COL25A1: variants seen among roughly 807,000 people sequenced by gnomAD.
COL25A1 encodes collagen type XXV alpha 1 chain, also known as collagen alpha-1(XXV) chain.
Under a neutral mutation model 128.4 loss-of-function variants are expected in COL25A1, and 103 were observed. The ratio of observed to expected loss-of-function variants is 0.80; its 90% CI spans 0.68 to 0.94. The LOEUF (loss-of-function observed/expected upper bound fraction) is 0.94, where lower values mean the gene tolerates loss of function less well. COL25A1 is among the 40% of genes least tolerant of loss of function. The probability of loss-of-function intolerance (pLI) is 0.00; values close to 1 mark genes in which losing one functional copy is unlikely to be tolerated. For missense variants in COL25A1, 745 were observed against 840.0 expected (o/e 0.89, Z 1.40); for synonymous variants, 279 against 277.2 (o/e 1.01, Z -0.06).
At chr4:109,147,843 G>C (rs1399657647) in intron 3 of COL25A1, among the ~76,000 whole-genome samples, 1 of 151,190 alleles carries the variant, frequency 6.6e-6, no homozygotes, top group Non-Finnish European at 1.5e-5. Context: ...AAGTACTGGA[G>C]TATTTCTATT....
In COL25A1 at chr4:109,028,767, G is replaced by T. The variant is rs545127409; in HGVS notation, c.421-18392C>A. Reference sequence around the variant, plus strand: ...AAAAAGAAAAGAAAAGAAAGAAAAAGGACTAGCTAGCAAGGGAGGAGTGGT... The same window carrying T: ...AAAAAGAAAAGAAAAGAAAGAAAAATGACTAGCTAGCAAGGGAGGAGTGGT... On this transcript the variant is annotated intron_variant, in intron 5 of 37. Transcript: ENST00000399132. Among the ~76,000 whole-genome samples, 7 of 152,090 alleles carry T rather than the reference G, an allele frequency of 4.6e-5. No individual in the cohort carries two copies. The South Asian group carries it at 1.5e-3, about 32-fold the overall frequency.
chr4:108,909,672 C>T (rs11729511), intron 13 of COL25A1, among the ~76,000 whole-genome samples: 71,271 of 151,970 alleles, frequency 0.47, 18,963 homozygotes, highest in East Asian at 0.93. Flanking sequence ...GTGGGGAGAT[C>T]ACGAAAGATA....
intron 18 of COL25A1, among the ~76,000 whole-genome samples, chr4:108,887,202 C>T (rs13119923): frequency 6.6e-6 from 1 of 151,870 alleles, no homozygotes; most frequent in African/African-American, 2.4e-5. Flanking sequence ...AAAGACCACA[C>T]GGTGGAAAGC....
intron 3 of COL25A1, among the ~76,000 whole-genome samples, chr4:109,268,765 G>A (rs2126262552): frequency 6.6e-6 from 1 of 152,204 alleles, no homozygotes; most frequent in East Asian, 1.9e-4. Context: ...AGCCCCAACG[G>A]TGTGAGCTGG....
chr4:108,835,859 G>GTTTTTTTTTTTTTTTTTTT (rs1560721327), intron 31 of COL25A1, among the ~76,000 whole-genome samples: 1 of 89,530 alleles, frequency 1.1e-5, no homozygotes, highest in Non-Finnish European at 2.1e-5. Context: ...GCTTACATAC[G>GTTTTTTTTTTTTTTTTTTT]TCTTTTTTTT....
intron 13 of COL25A1, among the ~76,000 whole-genome samples, chr4:108,917,286 A>C (rs1744988186): frequency 6.6e-6 from 1 of 152,210 alleles, no homozygotes; most frequent in East Asian, 1.9e-4. Context: ...ATTGCACCTG[A>C]AAGGGTTGAG....
chr4:108,889,016 C>G (rs944796262), intron 18 of COL25A1, among the ~76,000 whole-genome samples: 1 of 152,170 alleles, frequency 6.6e-6, no homozygotes, highest in Non-Finnish European at 1.5e-5. Flanking sequence ...CACAAAGCAT[C>G]TTTTACATAT....
At chr4:108,942,476 C>T (rs932398485) in intron 8 of COL25A1, among the ~76,000 whole-genome samples, 2 of 151,510 alleles carry the variant, frequency 1.3e-5, no homozygotes, top group Non-Finnish European at 2.9e-5. Flanking sequence ...TGAAGTCTCA[C>T]TCTGTTGCTC....
intron 3 of COL25A1, among the ~76,000 whole-genome samples, chr4:109,210,903 A>G (rs1046727131): frequency 6.6e-6 from 1 of 152,122 alleles, no homozygotes; most frequent in Non-Finnish European, 1.5e-5. Context: ...CATTATCCTA[A>G]GCGAGTTAAC....
chr4:108,977,695 CAT>C (rs1227336306), intron 6 of COL25A1, among the ~76,000 whole-genome samples: 1 of 152,180 alleles, frequency 6.6e-6, no homozygotes, highest in Non-Finnish European at 1.5e-5. Context: ...ACTGGGGGAA[CAT>C]ATATGTTTGG....
At chr4:108,825,861 A>C (rs1413503773) in intron 33 of COL25A1, among the ~76,000 whole-genome samples, 1 of 152,200 alleles carries the variant, frequency 6.6e-6, no homozygotes, top group Non-Finnish European at 1.5e-5. Flanking sequence ...AATAATCCCC[A>C]AATTTTTTTT....
intron 3 of COL25A1, among the ~76,000 whole-genome samples, chr4:109,186,954 G>A (rs1034203512): frequency 6.6e-6 from 1 of 152,144 alleles, no homozygotes; most frequent in African/African-American, 2.4e-5. Flanking sequence ...ATAGCAAGTG[G>A]TATGAGAAAA....
At chr4:108,952,953 T>C (rs1401190033) in intron 8 of COL25A1, among the ~76,000 whole-genome samples, 2 of 150,102 alleles carry the variant, frequency 1.3e-5, no homozygotes, top group African/African-American at 4.9e-5. Flanking sequence ...CTAAACATCC[T>C]TTGTTTGATA....
At chr4:108,903,119 C>T (rs573300946) in intron 13 of COL25A1, among the ~76,000 whole-genome samples, 3 of 151,918 alleles carry the variant, frequency 2.0e-5, no homozygotes, top group African/African-American at 7.2e-5. Flanking sequence ...GATTTTGAAG[C>T]AAGGAAGAGA....
intron 3 of COL25A1, among the ~76,000 whole-genome samples, chr4:109,220,693 G>T (rs1012353830): frequency 7.2e-5 from 11 of 152,064 alleles, no homozygotes; most frequent in African/African-American, 2.7e-4. Flanking sequence ...AATAGGAAAA[G>T]GTTCAAAAGT....
intron 3 of COL25A1, among the ~76,000 whole-genome samples, chr4:109,118,977 G>A (rs1435910610): frequency 6.6e-6 from 1 of 151,904 alleles, no homozygotes. Flanking sequence ...ACTAAAACAT[G>A]CCTTAACAAA....
chr4:108,860,152 C>T (rs932128805), intron 23 of COL25A1, among the ~76,000 whole-genome samples: 70 of 152,300 alleles, frequency 4.6e-4, no homozygotes, highest in African/African-American at 1.5e-3. Context: ...CACTCTGTTG[C>T]CCAGGCTGGA....
intron 3 of COL25A1, among the ~76,000 whole-genome samples, chr4:109,212,687 T>C (rs1777673451): frequency 6.6e-6 from 1 of 152,120 alleles, no homozygotes; most frequent in Admixed American, 6.6e-5. Flanking sequence ...GGGGGAAAAG[T>C]AGTACCCATG....
intron 3 of COL25A1, among the ~76,000 whole-genome samples, chr4:109,289,222 ACT>A (rs1211262370): frequency 6.6e-6 from 1 of 152,084 alleles, no homozygotes; most frequent in East Asian, 1.9e-4. Flanking sequence ...AGACATGCAA[ACT>A]CTGAGTATAA....
Sources: gnomAD v4.1 joint callset for allele counts (sites outside exome capture counted in the v4.1 genomes callset) on GRCh38, gnomAD v4.1.1 for gene constraint, MANE v1.5 for transcripts, NCBI Gene and HGNC (gene_info 2026-07-23, HGNC 2026-07-21) for gene names.